Variants in FBXL13 observed in about 807,000 individuals in gnomAD.
The protein encoded by FBXL13 is F-box and leucine-rich repeat protein 13.
Under a neutral mutation model 83.6 loss-of-function variants are expected in FBXL13, and 67 were observed. The observed-to-expected ratio is 0.80, with a 90% CI of 0.66 to 0.98. The LOEUF (loss-of-function observed/expected upper bound fraction) is 0.98, where lower values mean the gene tolerates loss of function less well. Among genes scored for constraint, FBXL13 ranks in the 50% least tolerant of loss-of-function variants. The pLI, the probability that FBXL13 is intolerant of heterozygous loss-of-function variation, is 0.00. For synonymous variants in FBXL13, 272 were observed against 299.5 expected (o/e 0.91, Z 0.95); for missense variants, 822 against 866.5 (o/e 0.95, Z 0.64).
At chr7:102,877,689 T>G in intron 15 of FBXL13, 96 bp from the exon 17 acceptor site, 3 of 1,287,242 alleles carry the variant, frequency 2.3e-6, no homozygotes, top group Non-Finnish European at 3.2e-6. Context: ...ACAAATGGTA[T>G]TGAAGCAAAG....
chr7:103,003,181 T>C (rs1001154782), intron 6 of FBXL13, among the ~76,000 whole-genome samples: 1 of 152,042 alleles, frequency 6.6e-6, no homozygotes, highest in African/African-American at 2.4e-5. Context: ...CATTCTGCTA[T>C]TGAGAGCCTC....
chr7:102,952,627 G>A lies in FBXL13; in HGVS notation c.724+10906C>T, dbSNP rs1049302749. On this transcript the variant is annotated intron_variant, in intron 8 of 19. Transcript: ENST00000313221. The stretch of plus-strand genomic sequence containing the variant: ...ACACATGAACTACCAAAACTGACTC[G>A]AGAAGAAACAGAAGATCTAAATAGA... Among the ~76,000 whole-genome samples, 8 of 152,134 alleles carry A rather than the reference G, an allele frequency of 5.3e-5. No individual in the cohort carries two copies. In the East Asian group the frequency reaches 1.4e-3, roughly 26 times the overall value.
At chr7:102,845,376 A>G (rs1803755295) in intron 17 of FBXL13, among the ~76,000 whole-genome samples, 1 of 152,208 alleles carries the variant, frequency 6.6e-6, no homozygotes, top group Non-Finnish European at 1.5e-5. Flanking sequence ...AGAAAGTTAC[A>G]AGCCCTTTAA....
At chr7:102,851,517 TTCCTCCTCCTC>T (rs1562994367) in intron 17 of FBXL13, among the ~76,000 whole-genome samples, 2 of 140,640 alleles carry the variant, frequency 1.4e-5, no homozygotes, top group African/African-American at 5.2e-5. Flanking sequence ...TCTTTTCTTC[TTCCTCCTCCTC>T]TCCTCCTCTT....
At chr7:102,962,295 C>G (rs1825357272) in intron 8 of FBXL13, among the ~76,000 whole-genome samples, 1 of 152,156 alleles carries the variant, frequency 6.6e-6, no homozygotes, top group Non-Finnish European at 1.5e-5. Flanking sequence ...GATATCATCT[C>G]ACACTAGTTA....
chr7:102,987,083 G>C (rs1469225600), intron 6 of FBXL13, among the ~76,000 whole-genome samples: 1 of 152,112 alleles, frequency 6.6e-6, no homozygotes, highest in East Asian at 1.9e-4. Context: ...GTTCTCACTT[G>C]TAAGTGGGAG....
intron 17 of FBXL13, among the ~76,000 whole-genome samples, chr7:102,834,878 A>ATGTGTGTG (rs57047697): frequency 5.3e-4 from 78 of 147,164 alleles, no homozygotes; most frequent in African/African-American, 1.0e-3. Context: ...CCATTCCACA[A>ATGTGTGTG]TGTGTGTGTG....
intron 10 of FBXL13, among the ~76,000 whole-genome samples, chr7:102,917,722 G>T (rs142125192): frequency 4.9e-4 from 74 of 152,330 alleles, no homozygotes; most frequent in African/African-American, 1.7e-3. Flanking sequence ...ATGATAGGAA[G>T]ATTGTTCCAG....
At position 102,994,212 on chromosome 7, in the gene FBXL13, G is replaced by A. The variant is rs185119515; in HGVS notation, c.496-26095C>T. Among the ~76,000 whole-genome samples, 13 of 151,980 alleles carry A rather than the reference G, an allele frequency of 8.6e-5. No individual in the cohort carries two copies. The East Asian group carries it at 2.3e-3, about 27-fold the overall frequency. The stretch of plus-strand genomic sequence containing the variant: ...CTCTTATTACTTGTGCATTTTTAAT[G>A]AACATTCTGCACATTATTTGGGGAA... On this transcript the variant is annotated intron_variant, in intron 6 of 19. Transcript: ENST00000313221.
intron 17 of FBXL13, among the ~76,000 whole-genome samples, chr7:102,852,559 C>T (rs117601676): frequency 0.029 from 4,363 of 152,110 alleles, 89 homozygotes; most frequent in Non-Finnish European, 0.037. Flanking sequence ...AGAAGCTATA[C>T]AAATGTCTAA....
intron 18 of FBXL13, among the ~76,000 whole-genome samples, chr7:102,831,394 G>GACACACACACAC (rs3045618): frequency 2.0e-4 from 28 of 141,654 alleles, no homozygotes; most frequent in African/African-American, 5.9e-4. Context: ...CAGTGCCCGG[G>GACACACACACAC]ACACACACAC....
At chr7:102,998,307 G>T (rs937775969) in intron 6 of FBXL13, among the ~76,000 whole-genome samples, 2 of 152,020 alleles carry the variant, frequency 1.3e-5, no homozygotes, top group African/African-American at 4.8e-5. Flanking sequence ...TCCCTTTTCA[G>T]ATGGGCAGTT....
intron 10 of FBXL13, among the ~76,000 whole-genome samples, chr7:102,924,326 C>A (rs1019960084): frequency 5.3e-5 from 8 of 151,818 alleles, no homozygotes; most frequent in Admixed American, 2.0e-4. Context: ...AGTTTGCTGA[C>A]CCCTGATTTA....
At chr7:102,861,630 A>G (rs1806846690) in intron 16 of FBXL13, among the ~76,000 whole-genome samples, 1 of 152,198 alleles carries the variant, frequency 6.6e-6, no homozygotes, top group Non-Finnish European at 1.5e-5. Context: ...AAACATGAGA[A>G]GTGTTTGTTA....
At chr7:102,860,804 G>A (rs1289090408) in intron 16 of FBXL13, among the ~76,000 whole-genome samples, 1 of 152,036 alleles carries the variant, frequency 6.6e-6, no homozygotes, top group Non-Finnish European at 1.5e-5. Context: ...ATATTCAAAT[G>A]TACGGAAAGG....
Position 102,970,835 on chromosome 7 carries a change from G to T in FBXL13, c.496-2718C>A, listed in dbSNP as rs58183016. Among the ~76,000 whole-genome samples the T allele has an allele frequency of 3.7e-3, 567 of 152,182 alleles. 5 individuals are homozygous for T. Among genetic ancestry groups the T allele is most frequent in the African/African-American group, 0.013 (560 of 41,534 alleles). On this transcript the variant is annotated intron_variant, in intron 6 of 19. Coordinates refer to ENST00000313221, the Ensembl canonical transcript of FBXL13. The stretch of plus-strand genomic sequence containing the variant: ...AGTGGGTGAGTTAAATAGCAGATGC[G>T]ACTCAGCTAAGAAGAGAATCAACAA...
intron 16 of FBXL13, among the ~76,000 whole-genome samples, chr7:102,872,087 A>G (rs566133631): frequency 6.6e-6 from 1 of 152,222 alleles, no homozygotes; most frequent in Non-Finnish European, 1.5e-5. Flanking sequence ...TCTTTTTTAT[A>G]TAGTGTATTC....
At chr7:103,056,254 A>G (rs1348425539) in intron 1 of FBXL13, among the ~76,000 whole-genome samples, 1 of 152,082 alleles carries the variant, frequency 6.6e-6, no homozygotes, top group Non-Finnish European at 1.5e-5. Context: ...CAATTTCTTT[A>G]TTCAATCATT....
At chr7:102,873,761 T>C (rs922958529) in intron 16 of FBXL13, among the ~76,000 whole-genome samples, 1 of 152,226 alleles carries the variant, frequency 6.6e-6, no homozygotes, top group Non-Finnish European at 1.5e-5. Flanking sequence ...TTCTCGCCAA[T>C]AAGCCATACC....
Sources: allele counts gnomAD v4.1 joint callset (sites outside exome capture counted in the v4.1 genomes callset), GRCh38; gene constraint gnomAD v4.1.1; transcripts MANE v1.5; gene names NCBI Gene and HGNC (gene_info 2026-07-23, HGNC 2026-07-21).